The following DNAH12 variants were observed in gnomAD, a reference collection of about 807,000 sequenced individuals.
DNAH12 encodes the protein dynein axonemal heavy chain 12.
Under a neutral mutation model 371.5 loss-of-function variants are expected in DNAH12, and 285 were observed. The ratio of observed to expected loss-of-function variants is 0.77; its 90% CI spans 0.70 to 0.85. The LOEUF is 0.85. DNAH12 is among the 40% of genes least tolerant of loss of function. DNAH12 has a pLI of 0.00. For missense variants in DNAH12, 3,611 were observed against 3,689.4 expected (o/e 0.98, Z 0.55); for synonymous variants, 1,200 against 1,213.0 (o/e 0.99, Z 0.22).
chr3:57,485,865 A>G (rs1271532459), intron 12 of DNAH12, among the ~76,000 whole-genome samples: 2 of 152,102 alleles, frequency 1.3e-5, no homozygotes, highest in Non-Finnish European at 2.9e-5. Context: ...AAAAGACTAC[A>G]TATTGGTACA....
chr3:57,457,748 A>G lies in DNAH12; in HGVS notation c.3309T>C (p.Val1103=), dbSNP rs1339620002. The part of the protein sequence containing the change: ...IQVEDLMLRS[V]HDVIAAARLA... ...GCCTGGCTGCAGCGATCACATCGTG[A>G]ACACTCCGGAGCATTAGGTCTTCCA... Residue 1103 remains valine, a synonymous_variant, in exon 22 of 74, where the codon GTT becomes GTC. Coordinates refer to ENST00000495027, the MANE Select transcript of DNAH12 (RefSeq NM_001366028.2). 1 of 1,551,482 alleles carries G rather than the reference A, an allele frequency of 6.4e-7. No homozygotes were observed. The highest frequency in any genetic ancestry group is 2.4e-5 in the East Asian group (1 of 40,896).
intron 39 of DNAH12, among the ~76,000 whole-genome samples, chr3:57,409,405 C>G (rs188095430): frequency 6.6e-6 from 1 of 152,120 alleles, no homozygotes; most frequent in East Asian, 1.9e-4. Context: ...ACGGTGACAT[C>G]CACATAATAT....
chr3:57,532,532 T>C (rs2068887027), intron 2 of DNAH12, among the ~76,000 whole-genome samples: 1 of 152,220 alleles, frequency 6.6e-6, no homozygotes, highest in African/African-American at 2.4e-5. Flanking sequence ...CTAAGCCATA[T>C]CTGCATTAGG....
At chr3:57,450,250 T>TAAA (rs58958877) in intron 25 of DNAH12, among the ~76,000 whole-genome samples, 1 of 98,580 alleles carries the variant, frequency 1.0e-5, no homozygotes, top group African/African-American at 4.0e-5. Context: ...TGTCTCAATT[T>TAAA]AAAAAAAAAA....
At position 57,350,341 on chromosome 3, in the gene DNAH12, C is replaced by T. The variant is rs573089058; in HGVS notation, c.9674+1744G>A. Among the ~76,000 whole-genome samples, 44 of 152,236 alleles carry T rather than the reference C, an allele frequency of 2.9e-4. No individual in the cohort carries two copies. In the South Asian group the frequency reaches 7.7e-3, roughly 27 times the overall value. ...CACTATCAGAAATCAAGATTAATTA[C>T]ACACATACACATTAATGGAACTGAA... On this transcript the variant is annotated intron_variant, in intron 60 of 73. Coordinates refer to ENST00000495027, the MANE Select transcript of DNAH12 (RefSeq NM_001366028.2).
intron 25 of DNAH12, among the ~76,000 whole-genome samples, chr3:57,449,768 C>T (rs1428193146): frequency 2.0e-5 from 3 of 152,206 alleles, no homozygotes; most frequent in Non-Finnish European, 2.9e-5. Context: ...GGGCTCCAGC[C>T]TTGGCCAGCC....
intron 55 of DNAH12, among the ~76,000 whole-genome samples, chr3:57,370,964 A>C (rs2063158290): frequency 6.6e-6 from 1 of 152,212 alleles, no homozygotes; most frequent in Admixed American, 6.5e-5. Context: ...TAAAGAGATA[A>C]GAAGGAAATG....
At chr3:57,391,390 T>C (rs1017627351) in intron 45 of DNAH12, among the ~76,000 whole-genome samples, 152 of 152,304 alleles carry the variant, frequency 1.0e-3, no homozygotes, top group African/African-American at 3.6e-3. Context: ...TCTTTCTGGA[T>C]CCTGAGCCTG....
chr3:57,472,374 A>G (rs182859618), intron 14 of DNAH12, among the ~76,000 whole-genome samples, 172 bp downstream of exon 14: 127 of 152,316 alleles, frequency 8.3e-4, no homozygotes, highest in African/African-American at 2.9e-3. Context: ...TTGTGAGTTA[A>G]GCCTAACAGC....
chr3:57,303,414 CT>C (rs769186872), intron 69 of DNAH12, among the ~76,000 whole-genome samples: 1,365 of 123,518 alleles, frequency 0.011, 7 homozygotes, highest in Middle Eastern at 0.031. Flanking sequence ...TTTTCTTTTT[CT>C]TTTTTTTTTT....
chr3:57,428,389 C>T lies in DNAH12; in HGVS notation c.5253+244G>A, dbSNP rs114020341. On this transcript the variant is annotated intron_variant, in intron 34 of 73. Coordinates refer to ENST00000495027, the MANE Select transcript of DNAH12 (RefSeq NM_001366028.2). ...CACATATTTAAAATAATTTGAAATACGGAAAGTAATTAGAATTTTTAAAAT... is the reference window on the plus strand; with the variant it reads ...CACATATTTAAAATAATTTGAAATATGGAAAGTAATTAGAATTTTTAAAAT... 1.7e-3 allele frequency: 2,386 copies of T among 1,413,416 alleles called. 33 individuals carry two copies. In the African/African-American group the frequency reaches 0.024, roughly 14 times the overall value. The allele number at this position is 1,413,416 out of a possible 1,614,324, so 87.6% of individuals were successfully genotyped here.
chr3:57,530,669 G>A (rs551802247), intron 2 of DNAH12: 17 of 453,654 alleles, frequency 3.7e-5, no homozygotes, highest in South Asian at 1.2e-4. Context: ...CACTGAGCAC[G>A]ATGCAGTTCT....
In DNAH12 at chr3:57,333,329, C is replaced by CTTTTTTTTTTTT. The variant is rs34135477; in HGVS notation, c.9978+1124_9978+1135dup. 2.4e-4 allele frequency among the ~76,000 whole-genome samples: 27 copies of CTTTTTTTTTTTT among 111,076 alleles called. 2 individuals carry two copies. Among genetic ancestry groups the CTTTTTTTTTTTT allele is most frequent in the African/African-American group, 1.0e-3 (23 of 21,912 alleles). 72.9% of individuals were successfully genotyped at this position (111,076 alleles called of 152,430 possible). On this transcript the variant is annotated intron_variant, in intron 62 of 73. Coordinates refer to ENST00000495027, the MANE Select transcript of DNAH12 (RefSeq NM_001366028.2). ...CGGATACATGTTCTTTTTAAGGCAA[C>CTTTTTTTTTTTT]TTTTTTTTTTTTTTTTTTTTAGATG...
At chr3:57,381,704 C>CTT (rs2063395598) in intron 50 of DNAH12, among the ~76,000 whole-genome samples, 1 of 151,978 alleles carries the variant, frequency 6.6e-6, no homozygotes, top group Non-Finnish European at 1.5e-5. Context: ...AGGGCACATG[C>CTT]TTTTAACAAC....
At chr3:57,339,942 A>C (rs1473408403) in intron 60 of DNAH12, among the ~76,000 whole-genome samples, 2 of 152,084 alleles carry the variant, frequency 1.3e-5, no homozygotes, top group Non-Finnish European at 2.9e-5. Context: ...GTGGTGGCAT[A>C]TGCCTGCAGT....
chr3:57,431,225 T>C (rs956604561), intron 32 of DNAH12, among the ~76,000 whole-genome samples: 3 of 152,116 alleles, frequency 2.0e-5, no homozygotes, highest in Admixed American at 1.3e-4. Context: ...CCCCTGTTTT[T>C]TCCCTGCCAC....
rs151192282 is a variant in DNAH12, at chr3:57,494,105, C to T, written c.1336-4418G>A. On this transcript the variant is annotated intron_variant, in intron 11 of 73. Transcript: ENST00000495027. ...AAAATTAGCTGGGTGTGATGGCACA[C>T]GCCTGTTGTTCCAGCTACTTGAGAG... is the stretch of plus-strand genomic sequence containing the variant. Among the ~76,000 whole-genome samples the T allele has an allele frequency of 1.4e-3, 216 of 152,208 alleles. 1 individual carries two copies. The highest frequency in any genetic ancestry group is 4.8e-3 in the African/African-American group (198 of 41,538).
chr3:57,388,591 A>C (rs2063543644), intron 45 of DNAH12, among the ~76,000 whole-genome samples: 1 of 152,164 alleles, frequency 6.6e-6, no homozygotes, highest in African/African-American at 2.4e-5. Flanking sequence ...AAGAACTATT[A>C]AGATTAGTGA....
chr3:57,296,583 T>TA (rs1183270279), intron 71 of DNAH12, 148 bp from the exon 72 acceptor site: 1 of 764,724 alleles, frequency 1.3e-6, no homozygotes, highest in African/African-American at 1.8e-5. Context: ...CCGTAGTTTG[T>TA]AAAAAAGTAT....
Sources: gnomAD v4.1 joint callset for allele counts (sites outside exome capture counted in the v4.1 genomes callset) on GRCh38, gnomAD v4.1.1 for gene constraint, MANE v1.5 for transcripts, NCBI Gene and HGNC (gene_info 2026-07-23, HGNC 2026-07-21) for gene names.